ST7L: variants seen among roughly 807,000 people sequenced by gnomAD.
ST7L encodes the protein suppressor of tumorigenicity 7 protein-like.
In ST7L, 57 loss-of-function variants were observed where a neutral mutation model predicts 72.5. That is an observed-to-expected ratio of 0.79 (90% CI 0.64 to 0.98). The LOEUF (loss-of-function observed/expected upper bound fraction) is 0.98. Ranked by LOEUF, ST7L falls within the 50% of genes least tolerant of loss-of-function variation. The probability of loss-of-function intolerance (pLI) is 0.00; values close to 1 mark genes in which losing one functional copy is unlikely to be tolerated. For synonymous variants in ST7L, 221 were observed against 240.9 expected, an observed-to-expected ratio of 0.92 and a Z score of 0.77; for missense variants, 576 against 672.2, an observed-to-expected ratio of 0.86 and a Z score of 1.58.
chr1:112,561,037 A>G lies in ST7L; in HGVS notation c.1246-5019T>C, dbSNP rs146049785. Among the ~76,000 whole-genome samples the G allele has an allele frequency of 3.8e-3, 584 of 152,174 alleles. 3 individuals carry two copies. Among genetic ancestry groups the G allele is most frequent in the Non-Finnish European group, 7.3e-3 (493 of 67,996 alleles). ...ACAGCTGAAATGTCTTCAAATTCATATTTATATTTTAGTTTTTACCAAAGA... is the reference window on the plus strand; with the variant it reads ...ACAGCTGAAATGTCTTCAAATTCATGTTTATATTTTAGTTTTTACCAAAGA... On this transcript the variant is annotated intron_variant, in intron 11 of 14. Transcript: ENST00000358039.
intron 14 of ST7L, 157 bp downstream of exon 14, chr1:112,541,794 T>C (rs911350390): frequency 3.0e-6 from 4 of 1,338,264 alleles, no homozygotes; most frequent in Non-Finnish European, 3.8e-6. Flanking sequence ...CAAAAATTTA[T>C]GTTTGATGTA....
chr1:112,543,001 T>A (rs995577774), intron 13 of ST7L, among the ~76,000 whole-genome samples: 1 of 152,038 alleles, frequency 6.6e-6, no homozygotes, highest in African/African-American at 2.4e-5. Flanking sequence ...GGTTTTGCCA[T>A]GTTGGCCAGG....
intron 6 of ST7L, among the ~76,000 whole-genome samples, chr1:112,587,486 C>G (rs750128999): frequency 2.0e-5 from 3 of 152,120 alleles, no homozygotes; most frequent in African/African-American, 4.8e-5. Context: ...GCCTGTATTC[C>G]CAGCTACTTG....
intron 13 of ST7L, among the ~76,000 whole-genome samples, chr1:112,548,032 C>T (rs1300837055): frequency 6.6e-6 from 1 of 152,072 alleles, no homozygotes; most frequent in Non-Finnish European, 1.5e-5. Flanking sequence ...TTATTGAATA[C>T]CAATTTTTAT....
intron 11 of ST7L, among the ~76,000 whole-genome samples, chr1:112,565,211 ATTTT>A (rs777969643): frequency 3.5e-5 from 2 of 57,938 alleles, no homozygotes; most frequent in African/African-American, 8.6e-5. Context: ...TGTTCGGCTA[ATTTT>A]TTTTTTTTTT....
rs1020666955 is a variant in ST7L, at chr1:112,617,927, C to T, written c.205+982G>A. Reference sequence around the variant, plus strand: ...ATGCCAAATTAGCTCTTCAGTTTAGCTTATTTTAGAGTGCTAGTTATATTT... The same window carrying T: ...ATGCCAAATTAGCTCTTCAGTTTAGTTTATTTTAGAGTGCTAGTTATATTT... On this transcript the variant is annotated intron_variant, in intron 1 of 14. Transcript: ENST00000358039. 4.2e-6 allele frequency: 5 copies of T among 1,204,534 alleles called. No homozygotes were observed. In the African/African-American group the frequency reaches 6.3e-5, roughly 15 times the overall value. The allele number at this position is 1,204,534 out of a possible 1,614,324, so 74.6% of individuals were successfully genotyped here. A position where few individuals can be genotyped will look rare whatever the true frequency, so the allele number is the denominator to read the frequency against.
At chr1:112,559,540 T>C (rs570529854) in intron 11 of ST7L, among the ~76,000 whole-genome samples, 1 of 151,914 alleles carries the variant, frequency 6.6e-6, no homozygotes, top group African/African-American at 2.4e-5. Flanking sequence ...CAAAAAAAAA[T>C]ACTTTTTTAA....
chr1:112,581,821 CTT>C (rs1664165277), intron 9 of ST7L, among the ~76,000 whole-genome samples, 169 bp downstream of exon 9: 1 of 152,164 alleles, frequency 6.6e-6, no homozygotes. Context: ...TCCTTGCAGA[CTT>C]TTGCTAATGA....
At chr1:112,596,129 C>T (rs1666443574) in intron 5 of ST7L, among the ~76,000 whole-genome samples, 1 of 152,172 alleles carries the variant, frequency 6.6e-6, no homozygotes, top group African/African-American at 2.4e-5. Context: ...TCCCCAACAC[C>T]TATCCTTTTG....
intron 1 of ST7L, 119 bp downstream of exon 1, chr1:112,618,790 G>A (rs1670366662): frequency 4.8e-6 from 7 of 1,451,738 alleles, no homozygotes; most frequent in Non-Finnish European, 6.4e-6. Context: ...TCACTTGATC[G>A]CTCATCATCG....
At chr1:112,613,751 C>G (rs1363286602) in intron 2 of ST7L, among the ~76,000 whole-genome samples, 1 of 151,980 alleles carries the variant, frequency 6.6e-6, no homozygotes, top group African/African-American at 2.4e-5. Context: ...GTTGTTGAGA[C>G]AAGGTCCACT....
downstream of ST7L, chr1:112,520,886 GCTT>G (rs1652834873): frequency 4.9e-6 from 1 of 205,714 alleles, no homozygotes; most frequent in Non-Finnish European, 9.8e-6. Flanking sequence ...CCTGTAGAGA[GCTT>G]CTTTTTGTTT....
intron 13 of ST7L, among the ~76,000 whole-genome samples, chr1:112,547,625 C>T (rs1214387124): frequency 1.6e-5 from 2 of 121,970 alleles, no homozygotes; most frequent in African/African-American, 6.4e-5. Flanking sequence ...GGCTGGAGTG[C>T]AGTCTCAGCT....
At chr1:112,578,758 G>C (rs572640292) in intron 9 of ST7L, among the ~76,000 whole-genome samples, 77 of 152,142 alleles carry the variant, frequency 5.1e-4, no homozygotes, top group African/African-American at 1.7e-3. Context: ...TGGGCAACAA[G>C]AGTGAAACTC....
At chr1:112,520,976 G>A, downstream of ST7L, 1 of 162,032 alleles carries the variant, frequency 6.2e-6, no homozygotes, top group Non-Finnish European at 1.4e-5. Flanking sequence ...AGAACTACCT[G>A]GTACCCCGAA....
chr1:112,599,125 T>TACAC (rs1491192959), intron 4 of ST7L, among the ~76,000 whole-genome samples: 7 of 57,736 alleles, frequency 1.2e-4, no homozygotes, highest in African/African-American at 6.8e-4. Context: ...GATGTGTGTG[T>TACAC]ATACACACAC....
intron 11 of ST7L, among the ~76,000 whole-genome samples, chr1:112,565,215 T>A (rs1048578860): frequency 8.4e-6 from 1 of 118,344 alleles, no homozygotes; most frequent in Non-Finnish European, 1.8e-5. Flanking sequence ...CGGCTAATTT[T>A]TTTTTTTTTT....
intron 13 of ST7L, among the ~76,000 whole-genome samples, chr1:112,546,537 G>A (rs1200800770): frequency 1.3e-5 from 2 of 152,084 alleles, no homozygotes; most frequent in Admixed American, 1.3e-4. Context: ...CACAGAAGGA[G>A]AAAATGGGGC....
chr1:112,615,089 T>C (rs1669658455), intron 2 of ST7L, among the ~76,000 whole-genome samples: 1 of 152,180 alleles, frequency 6.6e-6, no homozygotes. Context: ...AACCTCTCCC[T>C]CCAGGGTTCA....
Sources: allele counts gnomAD v4.1 joint callset (sites outside exome capture counted in the v4.1 genomes callset), GRCh38; gene constraint gnomAD v4.1.1; transcripts MANE v1.5; gene names NCBI Gene and HGNC (gene_info 2026-07-23, HGNC 2026-07-21).